The following IQANK1 variants were observed in gnomAD, a reference collection of about 807,000 sequenced individuals.
IQANK1 encodes the protein IQ motif and ankyrin repeat domain-containing protein 1.
Under a neutral mutation model 22.6 loss-of-function variants are expected in IQANK1, and 30 were observed. The ratio of observed to expected loss-of-function variants is 1.33; its 90% CI spans 0.99 to 1.80. IQANK1 has a LOEUF of 1.80. Ranked by LOEUF, IQANK1 falls within the 40% of genes most tolerant of loss-of-function variation. IQANK1 has a pLI of 0.00. For missense variants in IQANK1, 275 were observed against 235.2 expected (o/e 1.17, Z -1.11); for synonymous variants, 122 against 99.6 (o/e 1.23, Z -1.34).
At chr8:143,753,725 G>A (rs1242325291) in intron 3 of IQANK1, among the ~76,000 whole-genome samples, 6 of 152,136 alleles carry the variant, frequency 3.9e-5, no homozygotes, top group Non-Finnish European at 5.9e-5. Flanking sequence ...AAAATGTTGC[G>A]ATTATAGGTG....
chr8:143,748,881 T>TATATCATATATAAATATATAAATATAG (rs1472793430), intron 3 of IQANK1, among the ~76,000 whole-genome samples: 3 of 91,712 alleles, frequency 3.3e-5, no homozygotes, highest in Non-Finnish European at 5.0e-5. Context: ...TATAAATATA[T>TATATCATATATAAATATATAAATATAG]ATATCATAAA....
Position 143,764,060 on chromosome 8 carries a change from A to G in IQANK1, c.176-7428A>G, listed in dbSNP as rs183141707. On this transcript the variant is annotated intron_variant, in intron 3 of 13. Coordinates refer to ENST00000527139, the MANE Select transcript of IQANK1 (RefSeq NM_001381874.1). ...GAAGGATGATTCTCCTTCAAGGACC[A>G]TGCCTTGTTTAAAGTTCTACATTCC... 2.3e-4 allele frequency among the ~76,000 whole-genome samples: 35 copies of G among 152,280 alleles called. No homozygotes were observed. In the East Asian group the frequency reaches 6.4e-3, roughly 28 times the overall value.
intron 3 of IQANK1, chr8:143,742,666 G>A (rs1554626728): frequency 4.4e-6 from 2 of 455,948 alleles, no homozygotes; most frequent in East Asian, 6.9e-5. Flanking sequence ...AGGTGTGGCT[G>A]AGCCCCAGAG....
intron 3 of IQANK1, among the ~76,000 whole-genome samples, chr8:143,766,072 C>T (rs1460013136): frequency 6.6e-6 from 1 of 151,762 alleles, no homozygotes; most frequent in African/African-American, 2.4e-5. Context: ...GCAAGCCTCC[C>T]GTGGGTAGTA....
chr8:143,769,012 C>G (rs900655087), intron 3 of IQANK1, among the ~76,000 whole-genome samples: 14 of 151,956 alleles, frequency 9.2e-5, no homozygotes, highest in African/African-American at 3.4e-4. Context: ...TCCGGGACAT[C>G]CATTTAAATT....
At chr8:143,756,489 G>A (rs1819295385) in intron 3 of IQANK1, among the ~76,000 whole-genome samples, 1 of 152,070 alleles carries the variant, frequency 6.6e-6, no homozygotes, top group South Asian at 2.1e-4. Context: ...CGCACACCCA[G>A]TTTCTTATGT....
At chr8:143,750,542 G>A (rs1554627908) in intron 3 of IQANK1, among the ~76,000 whole-genome samples, 6 of 152,108 alleles carry the variant, frequency 3.9e-5, no homozygotes, top group African/African-American at 1.4e-4. Flanking sequence ...AAAGTAATTA[G>A]TGATAAGGAG....
At chr8:143,787,197 A>G (rs1268307030) in intron 7 of IQANK1, among the ~76,000 whole-genome samples, 1 of 152,134 alleles carries the variant, frequency 6.6e-6, no homozygotes, top group Non-Finnish European at 1.5e-5. Flanking sequence ...AAATGTCTAG[A>G]AGTATGCATA....
intron 3 of IQANK1, among the ~76,000 whole-genome samples, chr8:143,769,551 T>C (rs1349863522): frequency 6.6e-6 from 1 of 152,112 alleles, no homozygotes; most frequent in African/African-American, 2.4e-5. Flanking sequence ...CCAAATTGCA[T>C]CCTGTTTATT....
At chr8:143,759,975 C>T (rs1406264205) in intron 3 of IQANK1, among the ~76,000 whole-genome samples, 6 of 152,196 alleles carry the variant, frequency 3.9e-5, no homozygotes, top group Non-Finnish European at 8.8e-5. Flanking sequence ...CTGCAGAACT[C>T]CCAGGCCCAG....
intron 3 of IQANK1, among the ~76,000 whole-genome samples, chr8:143,768,380 C>T (rs376079522): frequency 6.6e-6 from 1 of 152,016 alleles, no homozygotes; most frequent in Non-Finnish European, 1.5e-5. Context: ...GGGGGGTTTC[C>T]GCCAGGTTTC....
intron 7 of IQANK1, among the ~76,000 whole-genome samples, chr8:143,787,112 C>T (rs1351629930): frequency 6.6e-6 from 1 of 152,206 alleles, no homozygotes; most frequent in Non-Finnish European, 1.5e-5. Context: ...TTTGTAGCCC[C>T]AGGGTTTGTC....
chr8:143,781,949 G>A lies in IQANK1; in HGVS notation c.790-6966G>A, dbSNP rs552838279. On this transcript the variant is annotated intron_variant, in intron 7 of 13. Coordinates refer to ENST00000527139, the MANE Select transcript of IQANK1 (RefSeq NM_001381874.1). ...TGGTATTGATTCTTCCTATCCGTGA[G>A]CATGGGATGTTTTTCTGTTTGTGCC... 4.6e-5 allele frequency among the ~76,000 whole-genome samples: 7 copies of A among 152,278 alleles called. No individual in the cohort carries two copies. In the South Asian group the frequency reaches 1.4e-3, roughly 32 times the overall value.
rs1554629772 is a variant in IQANK1, at chr8:143,771,600, GGAGACGCCGCAGAA to G, written c.290_303del (p.Glu97GlyfsTer161). ...AGCGCCGGGAGTACCTGGAGCAGAT[GGAGACGCCGCAGAA>G]GGAGGTGAGGACGGGCAGCCGCAAC... On this transcript the variant is annotated frameshift_variant, in exon 4 of 14. Coordinates refer to ENST00000527139, the MANE Select transcript of IQANK1 (RefSeq NM_001381874.1). LOFTEE classifies it high-confidence loss of function. The surrounding 1 kb of genome is among the most constrained non-coding windows in gnomAD (Gnocchi z 6.0). 3 of 398,588 alleles carry G rather than the reference GGAGACGCCGCAGAA, an allele frequency of 7.5e-6. No individual in the cohort carries two copies. In the East Asian group the frequency reaches 1.1e-4, roughly 14 times the overall value. The allele number at this position is 398,588 out of a possible 1,614,324, so 24.7% of individuals were successfully genotyped here.
intron 3 of IQANK1, among the ~76,000 whole-genome samples, chr8:143,748,986 TATAAATATATATC>T (rs61728733): frequency 0.2 from 22,409 of 111,996 alleles, 2,377 homozygotes; most frequent in East Asian, 0.49. Flanking sequence ...ATATATCATA[TATAAATATATATC>T]ATAAATATAT....
chr8:143,738,361 C>A (rs2129754424), intron 2 of IQANK1, among the ~76,000 whole-genome samples: 1 of 152,334 alleles, frequency 6.6e-6, no homozygotes, highest in Admixed American at 6.5e-5. Context: ...GCTCCCACGC[C>A]AGGCTTGGCC....
chr8:143,739,900 T>G lies in IQANK1; in HGVS notation c.127T>G (p.Trp43Gly). The change falls in exon 3 of 14, where the codon TGG becomes GGG. Residue 43 changes from tryptophan to glycine, a missense_variant. Trp to Gly is a radical substitution (Grantham distance 184). Coordinates refer to ENST00000527139, the MANE Select transcript of IQANK1 (RefSeq NM_001381874.1). ...CCGCCCGCCGCAGAGGAAAGCGGGC[T>G]GGCAGGCGAGGGAGCCCGCGTCGGC... is the stretch of plus-strand genomic sequence containing the variant. Reference protein sequence around the residue: ...ENRPPQRKAGWQAREPASAES... With the variant: ...ENRPPQRKAGGQAREPASAES... 1 of 698,290 alleles carries G rather than the reference T, an allele frequency of 1.4e-6. No individual in the cohort carries two copies. Among genetic ancestry groups the G allele is most frequent in the South Asian group, 1.5e-5 (1 of 66,730 alleles). The allele number at this position is 698,290 out of a possible 1,614,324, so 43.3% of individuals were successfully genotyped here.
In IQANK1 at chr8:143,760,997, G is replaced by A. The variant is rs529836237; in HGVS notation, c.176-10491G>A. Among the ~76,000 whole-genome samples, 76 of 152,270 alleles carry A rather than the reference G, an allele frequency of 5.0e-4. 2 individuals are homozygous for A. Among genetic ancestry groups the A allele is most frequent in the African/African-American group, 1.8e-3 (75 of 41,556 alleles). ...AGCTGCGGAGCGCAGGAGCACCAGG[G>A]ACCTCCTGGTGCGAGCCGAAGACGG... On this transcript the variant is annotated intron_variant, in intron 3 of 13. Transcript: ENST00000527139.
At chr8:143,759,260 G>A (rs892588209) in intron 3 of IQANK1, 4 of 173,982 alleles carry the variant, frequency 2.3e-5, no homozygotes, top group South Asian at 2.7e-4. Context: ...CCCTCCTCTC[G>A]CAAACATAGC....
Sources: allele counts gnomAD v4.1 joint callset (sites outside exome capture counted in the v4.1 genomes callset), GRCh38; gene constraint gnomAD v4.1.1; non-coding constraint Gnocchi (gnomAD v3.1); transcripts MANE v1.5; gene names NCBI Gene and HGNC (gene_info 2026-07-23, HGNC 2026-07-21).